Variants in AFG2A observed in about 807,000 individuals in gnomAD.
AFG2A encodes the protein ATPase family gene 2 protein homolog A.
At chr4:123,194,545 C>G in the AFG2A span, among the ~76,000 whole-genome samples, 1 of 152,030 alleles carries the variant, frequency 6.6e-6, no homozygotes, top group Non-Finnish European at 1.5e-5. Context: ...AACGTATTTT[C>G]TCTGTGAGGA....
the AFG2A span, chr4:122,938,321 T>A: frequency 7.4e-7 from 1 of 1,343,578 alleles, no homozygotes; most frequent in Non-Finnish European, 9.7e-7. Flanking sequence ...TAAAAACTAT[T>A]GAATGTGTCA....
chr4:123,050,742 T>TC, the AFG2A span, among the ~76,000 whole-genome samples: 1 of 150,914 alleles, frequency 6.6e-6, no homozygotes, highest in African/African-American at 2.4e-5. Flanking sequence ...GTTGTGTCTT[T>TC]TTTTTTTTTT....
chr4:123,192,652 GT>G, the AFG2A span, among the ~76,000 whole-genome samples: 1 of 152,166 alleles, frequency 6.6e-6, no homozygotes, highest in East Asian at 1.9e-4. Context: ...GTCTTTTGTG[GT>G]CCCCTAGGAC....
the AFG2A span, among the ~76,000 whole-genome samples, chr4:122,965,604 A>G: frequency 6.6e-6 from 1 of 152,204 alleles, no homozygotes; most frequent in Non-Finnish European, 1.5e-5. Flanking sequence ...TGAATTAGCC[A>G]CACCTCTTTT....
At chr4:123,120,212 A>G in the AFG2A span, among the ~76,000 whole-genome samples, 1 of 152,164 alleles carries the variant, frequency 6.6e-6, no homozygotes, top group Non-Finnish European at 1.5e-5. Flanking sequence ...TTAATCATCT[A>G]TGTTGAGGAA....
chr4:123,015,680 G>A, the AFG2A span, among the ~76,000 whole-genome samples: 16 of 151,410 alleles, frequency 1.1e-4, no homozygotes, highest in African/African-American at 3.9e-4. Flanking sequence ...ATCATGGCCC[G>A]TTATCAATGA....
the AFG2A span, among the ~76,000 whole-genome samples, chr4:123,046,402 C>T: frequency 6.6e-6 from 1 of 152,132 alleles, no homozygotes; most frequent in Non-Finnish European, 1.5e-5. Flanking sequence ...GGCACATAGT[C>T]AAGGTTCAAT....
the AFG2A span, among the ~76,000 whole-genome samples, chr4:123,122,799 C>T: frequency 4.8e-5 from 7 of 147,130 alleles, no homozygotes; most frequent in African/African-American, 1.5e-4. Flanking sequence ...TTTTTGACAG[C>T]ATATTAGGTT....
chr4:123,189,804 A>G, the AFG2A span, among the ~76,000 whole-genome samples: 1 of 66,912 alleles, frequency 1.5e-5, no homozygotes, highest in East Asian at 4.1e-4. Flanking sequence ...TGCTAAGGTC[A>G]TTTGCTTTTT....
At chr4:123,152,974 T>A in the AFG2A span, among the ~76,000 whole-genome samples, 1 of 152,276 alleles carries the variant, frequency 6.6e-6, no homozygotes, top group East Asian at 1.9e-4. Flanking sequence ...GTGTCTTGAA[T>A]GCTTATGTTA....
At chr4:123,141,258 C>A in the AFG2A span, among the ~76,000 whole-genome samples, 1 of 152,152 alleles carries the variant, frequency 6.6e-6, no homozygotes, top group Non-Finnish European at 1.5e-5. Context: ...CCCAGTTGTT[C>A]TGGGTGCTTT....
At chr4:123,035,087 C>CT in the AFG2A span, among the ~76,000 whole-genome samples, 1 of 152,194 alleles carries the variant, frequency 6.6e-6, no homozygotes, top group Non-Finnish European at 1.5e-5. Flanking sequence ...CTGAACTTGC[C>CT]TGTTTCACTG....
chr4:123,090,833 C>A, the AFG2A span: 1 of 1,307,492 alleles, frequency 7.6e-7, no homozygotes, highest in Non-Finnish European at 1.0e-6. Flanking sequence ...GAATGTAAAG[C>A]AGGTTCACTG....
At chr4:123,079,034 G>T in the AFG2A span, among the ~76,000 whole-genome samples, 1 of 152,086 alleles carries the variant, frequency 6.6e-6, no homozygotes, top group Admixed American at 6.6e-5. Context: ...TTTTATGAGG[G>T]GAATGGTGTT....
the AFG2A span, among the ~76,000 whole-genome samples, chr4:122,990,428 C>T: frequency 6.6e-6 from 1 of 152,140 alleles, no homozygotes; most frequent in African/African-American, 2.4e-5. Context: ...TCCTTTACCT[C>T]ACTGTGTATA....
chr4:123,090,548 G>A, the AFG2A span: 29 of 1,612,048 alleles, frequency 1.8e-5, no homozygotes, highest in Non-Finnish European at 2.5e-5. Context: ...GATAAGTAAA[G>A]ATATTTTTTA....
At chr4:123,087,625 C>T in the AFG2A span, among the ~76,000 whole-genome samples, 1 of 152,156 alleles carries the variant, frequency 6.6e-6, no homozygotes, top group African/African-American at 2.4e-5. Context: ...GTGAGGGACC[C>T]CGCTCTATGA....
chr4:123,227,338 G>A, the AFG2A span, among the ~76,000 whole-genome samples: 8 of 151,936 alleles, frequency 5.3e-5, no homozygotes, highest in African/African-American at 1.9e-4. Flanking sequence ...GCTTTCTCTT[G>A]TGGGCATTTA....
At chr4:123,021,938 G>A in the AFG2A span, among the ~76,000 whole-genome samples, 2 of 151,890 alleles carry the variant, frequency 1.3e-5, no homozygotes, top group East Asian at 3.9e-4. Flanking sequence ...CAATGGGGAA[G>A]GGATTCCCTA....
Sources: allele counts gnomAD v4.1 joint callset (sites outside exome capture counted in the v4.1 genomes callset), GRCh38; gene constraint gnomAD v4.1.1; transcripts MANE v1.5; gene names NCBI Gene and HGNC (gene_info 2026-07-23, HGNC 2026-07-21).